Variants in ADGRL3 observed in about 807,000 individuals in gnomAD.
ADGRL3 encodes calcium-independent alpha-latrotoxin receptor 3.
In ADGRL3, 62 loss-of-function variants were observed where a neutral mutation model predicts 153.5. That is an observed-to-expected ratio of 0.40 (90% CI 0.33 to 0.50). The LOEUF is 0.50. Among genes scored for constraint, ADGRL3 ranks in the 20% least tolerant of loss-of-function variants. The pLI, the probability that ADGRL3 is intolerant of heterozygous loss-of-function variation, is 0.47. For synonymous variants in ADGRL3, 710 were observed against 672.5 expected, an observed-to-expected ratio of 1.06 and a Z score of -0.86; for missense variants, 1,641 against 1,859.4, an observed-to-expected ratio of 0.88 and a Z score of 2.16.
intron 8 of ADGRL3, among the ~76,000 whole-genome samples, chr4:61,760,255 G>A (rs1383970897): frequency 2.0e-5 from 3 of 152,174 alleles, no homozygotes; most frequent in Non-Finnish European, 4.4e-5. Flanking sequence ...TGCCCCCAGA[G>A]GTGGAGTCTA....
intron 17 of ADGRL3, among the ~76,000 whole-genome samples, chr4:61,972,457 C>T (rs2099031913): frequency 6.6e-6 from 1 of 152,078 alleles, no homozygotes; most frequent in South Asian, 2.1e-4. Context: ...TGTCAGAGAT[C>T]AGATAGTTGT....
In ADGRL3 at chr4:61,895,776, C is replaced by T. The variant is rs2098627666; in HGVS notation, c.1829C>T (p.Pro610Leu). The T allele has an allele frequency of 6.2e-7, 1 of 1,601,102 alleles. No individual in the cohort carries two copies. ...LCLAPDGIWD[P>L]QGPDLSNCSS... Reference sequence around the variant, plus strand: ...CTTGCTCCTGATGGAATTTGGGATCCCCAAGGTCCAGATCTCAGCAACTGT... The same window carrying T: ...CTTGCTCCTGATGGAATTTGGGATCTCCAAGGTCCAGATCTCAGCAACTGT... Residue 610 changes from proline (P) to leucine (L), a missense_variant, in exon 11 of 27, where the codon CCC becomes CTC. By Grantham distance (98) the Pro-to-Leu change is moderately conservative. Coordinates refer to ENST00000683033, the MANE Select transcript of ADGRL3 (RefSeq NM_001387552.1).
intron 8 of ADGRL3, among the ~76,000 whole-genome samples, chr4:61,752,129 G>A (rs1244523807): frequency 1.3e-5 from 2 of 152,156 alleles, no homozygotes; most frequent in Non-Finnish European, 2.9e-5. Context: ...CTTACCTCGG[G>A]AAGAAAAGTA....
intron 6 of ADGRL3, 191 bp downstream of exon 6, chr4:61,677,126 G>A (rs1369291612): frequency 2.7e-5 from 14 of 510,092 alleles, no homozygotes; most frequent in Admixed American, 9.8e-5. Context: ...CCTCTCCTAC[G>A]GCATTTACTT....
rs941225540 is a variant in ADGRL3 at position 61,517,379 on chromosome 4, A to G, written c.120A>G (p.Pro40=). ...CATTGCGACACGCTGAGCGCAGCCC[A>G]GGAGGCGCTCTTCCACCCAGACATC... ...AAPLRHAERS[P]GGALPPRHLL... Residue 40 remains proline, a synonymous_variant, in exon 4 of 27, where the codon CCA becomes CCG. Coordinates refer to ENST00000683033, the MANE Select transcript of ADGRL3 (RefSeq NM_001387552.1). 4.2e-6 allele frequency: 3 copies of G among 709,828 alleles called. No homozygotes were observed. The highest frequency in any genetic ancestry group is 7.7e-6 in the Non-Finnish European group (3 of 391,398). 44.0% of individuals were successfully genotyped at this position (709,828 alleles called of 1,614,324 possible).
Position 61,789,047 on chromosome 4 carries a change from A to G in ADGRL3, c.1400-24762A>G, listed in dbSNP as rs540911608. Among the ~76,000 whole-genome samples, 5 of 152,312 alleles carry G rather than the reference A, an allele frequency of 3.3e-5. No homozygotes were observed. The East Asian group carries it at 9.6e-4, about 29-fold the overall frequency. On this transcript the variant is annotated intron_variant, in intron 8 of 26. Coordinates refer to ENST00000683033, the MANE Select transcript of ADGRL3 (RefSeq NM_001387552.1). ...ACATTTTAATCAAATTTATCAAAAG[A>G]GTCATAATATTAGAAATTCATGCAT...
At chr4:61,489,076 C>T (rs971523047) in intron 2 of ADGRL3, among the ~76,000 whole-genome samples, 10 of 152,004 alleles carry the variant, frequency 6.6e-5, no homozygotes, top group South Asian at 4.2e-4. Flanking sequence ...TCTCATTAAT[C>T]GAATGCCTAC....
At chr4:61,756,046 G>T (rs1279432123) in intron 8 of ADGRL3, among the ~76,000 whole-genome samples, 1 of 152,166 alleles carries the variant, frequency 6.6e-6, no homozygotes, top group African/African-American at 2.4e-5. Context: ...TTTGAAGTCA[G>T]GTAGCGTGAT....
chr4:61,219,936 C>T (rs1279476163), intron 1 of ADGRL3, among the ~76,000 whole-genome samples: 8 of 151,842 alleles, frequency 5.3e-5, no homozygotes, highest in Non-Finnish European at 7.4e-5. Context: ...GGTGAAACCC[C>T]GCCTCTACTA....
chr4:61,706,965 A>G (rs1488142563), intron 6 of ADGRL3, among the ~76,000 whole-genome samples: 1 of 152,176 alleles, frequency 6.6e-6, no homozygotes, highest in East Asian at 1.9e-4. Flanking sequence ...GCTTTGATTT[A>G]AAGTGAGATA....
At position 61,564,421 on chromosome 4, in the gene ADGRL3, C is replaced by A. The variant is rs1243059407; in HGVS notation, c.260-22806C>A. Among the ~76,000 whole-genome samples the A allele has an allele frequency of 2.0e-5, 3 of 152,198 alleles. No individual in the cohort carries two copies. In the East Asian group the frequency reaches 5.8e-4, roughly 29 times the overall value. On this transcript the variant is annotated intron_variant, in intron 4 of 26. Coordinates refer to ENST00000683033, the MANE Select transcript of ADGRL3 (RefSeq NM_001387552.1). ...TCCTTAGTAGCTGGGACTACAGGTG[C>A]ACACCACAATGCCTGGCTGATTTCT...
At chr4:61,909,779 G>C (rs746675593) in intron 12 of ADGRL3, 34 bp downstream of exon 12, 2 of 1,346,328 alleles carry the variant, frequency 1.5e-6, no homozygotes, top group South Asian at 1.5e-5. Flanking sequence ...GTGTGTGTGT[G>C]TGTGTGTGTG....
intron 5 of ADGRL3, among the ~76,000 whole-genome samples, chr4:61,609,478 C>T (rs1023777991): frequency 3.3e-5 from 5 of 151,940 alleles, no homozygotes; most frequent in Non-Finnish European, 7.4e-5. Flanking sequence ...ATTTAATAGA[C>T]TAGTTCTTAA....
chr4:61,286,976 G>A (rs1373258888), intron 1 of ADGRL3, among the ~76,000 whole-genome samples: 1 of 151,508 alleles, frequency 6.6e-6, no homozygotes, highest in Non-Finnish European at 1.5e-5. Flanking sequence ...GGAAGTCAAA[G>A]GCCTCTATCA....
intron 9 of ADGRL3, among the ~76,000 whole-genome samples, chr4:61,816,557 A>T (rs1231381392): frequency 6.6e-6 from 1 of 152,224 alleles, no homozygotes; most frequent in East Asian, 1.9e-4. Context: ...TAAGAAGAGG[A>T]ATTAGAACAA....
Position 61,764,872 on chromosome 4 carries a change from G to A in ADGRL3, c.1399+31318G>A, listed in dbSNP as rs543777906. On this transcript the variant is annotated intron_variant, in intron 8 of 26. Coordinates refer to ENST00000683033, the MANE Select transcript of ADGRL3 (RefSeq NM_001387552.1). ...GTGGGAGAGGTTAAGCTGAAGGGAG[G>A]TCTTGTGGTAAGGGGTGATATTGTG... Among the ~76,000 whole-genome samples, 607 of 151,568 alleles carry A rather than the reference G, an allele frequency of 4.0e-3. 3 individuals are homozygous for A. Among genetic ancestry groups the A allele is most frequent in the African/African-American group, 0.014 (573 of 41,236 alleles).
chr4:61,924,719 G>C (rs971821465), intron 13 of ADGRL3, among the ~76,000 whole-genome samples: 1 of 152,098 alleles, frequency 6.6e-6, no homozygotes, highest in Non-Finnish European at 1.5e-5. Context: ...TGTTCCCTCT[G>C]ATTGGAATGC....
chr4:61,309,032 AG>A (rs2094904611), intron 1 of ADGRL3, among the ~76,000 whole-genome samples: 1 of 152,184 alleles, frequency 6.6e-6, no homozygotes, highest in African/African-American at 2.4e-5. Flanking sequence ...TGTAGACAAA[AG>A]AATTACCTTC....
chr4:61,548,592 G>T (rs1294536844), intron 4 of ADGRL3, among the ~76,000 whole-genome samples: 1 of 152,016 alleles, frequency 6.6e-6, no homozygotes, highest in African/African-American at 2.4e-5. Context: ...TTACCTATGT[G>T]TGGTATTATT....
Sources: allele counts gnomAD v4.1 joint callset (sites outside exome capture counted in the v4.1 genomes callset), GRCh38; gene constraint gnomAD v4.1.1; transcripts MANE v1.5; gene names NCBI Gene and HGNC (gene_info 2026-07-23, HGNC 2026-07-21).